The following CADM2 variants were observed in gnomAD, a reference collection of about 807,000 sequenced individuals.
CADM2 encodes cell adhesion molecule 2.
Under a neutral mutation model 49.8 loss-of-function variants are expected in CADM2, and 12 were observed. The observed-to-expected ratio is 0.24, with a 90% confidence interval of 0.15 to 0.39. The LOEUF (loss-of-function observed/expected upper bound fraction) is 0.39. Among genes scored for constraint, CADM2 ranks in the 10% least tolerant of loss-of-function variants. The pLI, the probability that CADM2 is intolerant of heterozygous loss-of-function variation, is 1.00. For missense variants in CADM2, 378 were observed against 492.3 expected (o/e 0.77, Z 2.20); for synonymous variants, 214 against 175.4 (o/e 1.22, Z -1.74).
intron 1 of CADM2, among the ~76,000 whole-genome samples, chr3:85,325,883 A>G (rs2044738319): frequency 6.6e-6 from 1 of 152,208 alleles, no homozygotes; most frequent in African/African-American, 2.4e-5. Flanking sequence ...ATTCTTATAT[A>G]AAAGAAACAG....
rs1164712402 is a variant in CADM2 at position 86,069,127 on chromosome 3, A to T, written c.*2344A>T. On this transcript the variant is annotated 3_prime_UTR_variant, in exon 10 of 10. Coordinates refer to ENST00000383699, the MANE Select transcript of CADM2 (RefSeq NM_001167675.2). Reference sequence around the variant, plus strand: ...CTTACAAAATTGCTACTCTTCATCGATGCCGTATTTACATCCCTCTTCATT... The same window carrying T: ...CTTACAAAATTGCTACTCTTCATCGTTGCCGTATTTACATCCCTCTTCATT... 1 of 152,004 alleles carries T rather than the reference A, an allele frequency of 6.6e-6. No individual in the cohort carries two copies. Among genetic ancestry groups the T allele is most frequent in the Non-Finnish European group, 1.5e-5 (1 of 67,870 alleles). 9.4% of individuals were successfully genotyped at this position (152,004 alleles called of 1,614,324 possible).
chr3:85,154,647 C>T (rs1430616581), intron 1 of CADM2, among the ~76,000 whole-genome samples: 1 of 150,662 alleles, frequency 6.6e-6, no homozygotes, highest in African/African-American at 2.5e-5. Flanking sequence ...TCAGATTCAC[C>T]GAAGTTGAAA....
At chr3:85,158,905 A>G (rs968222501) in intron 1 of CADM2, among the ~76,000 whole-genome samples, 4 of 152,132 alleles carry the variant, frequency 2.6e-5, no homozygotes, top group African/African-American at 9.7e-5. Flanking sequence ...CATTTATTTT[A>G]GTGATTTATT....
At chr3:85,672,018 TATA>T (rs1178854221) in intron 1 of CADM2, among the ~76,000 whole-genome samples, 1 of 152,182 alleles carries the variant, frequency 6.6e-6, no homozygotes, top group African/African-American at 2.4e-5. Context: ...AAGGTCCTAC[TATA>T]GTATCTGTCA....
chr3:85,774,992 A>G (rs2070288447), intron 2 of CADM2, among the ~76,000 whole-genome samples: 1 of 151,804 alleles, frequency 6.6e-6, no homozygotes, highest in South Asian at 2.1e-4. Flanking sequence ...ATAGATATAT[A>G]TGTGTACTTA....
chr3:85,565,409 T>C (rs909235566), intron 1 of CADM2, among the ~76,000 whole-genome samples: 4 of 152,044 alleles, frequency 2.6e-5, no homozygotes, highest in Non-Finnish European at 2.9e-5. Flanking sequence ...CAGTGTGACA[T>C]TTGCTATTAG....
chr3:85,350,615 T>C (rs2031245736), intron 1 of CADM2, among the ~76,000 whole-genome samples: 1 of 152,202 alleles, frequency 6.6e-6, no homozygotes, highest in African/African-American at 2.4e-5. Flanking sequence ...AATACTGTGA[T>C]CTTTCATAGA....
intron 1 of CADM2, among the ~76,000 whole-genome samples, chr3:85,534,693 G>A (rs1576742941): frequency 6.6e-6 from 1 of 152,278 alleles, no homozygotes; most frequent in Non-Finnish European, 1.5e-5. Context: ...ATTGTCTAAA[G>A]TGCATTTTTA....
intron 1 of CADM2, among the ~76,000 whole-genome samples, chr3:85,720,893 A>G (rs775764861): frequency 1.8e-4 from 28 of 152,310 alleles, no homozygotes; most frequent in Non-Finnish European, 3.2e-4. Flanking sequence ...ATGTAGTAGA[A>G]TTTCCCCTTT....
At position 85,039,831 on chromosome 3, in the gene CADM2, C is replaced by T. The variant is rs7638859; in HGVS notation, c.61+80163C>T. ...GAGCTCCTATTACTTGCTACTACTCCTCTTAACTGCGTAGCAATAACAGTG... is the reference window on the plus strand; with the variant it reads ...GAGCTCCTATTACTTGCTACTACTCTTCTTAACTGCGTAGCAATAACAGTG... On this transcript the variant is annotated intron_variant, in intron 1 of 9. Transcript: ENST00000383699. Among the ~76,000 whole-genome samples, 692 of 152,284 alleles carry T rather than the reference C, an allele frequency of 4.5e-3. 4 individuals carry two copies. The highest frequency in any genetic ancestry group is 0.016 in the African/African-American group (666 of 41,558).
chr3:85,045,384 G>A (rs531990721), intron 1 of CADM2, among the ~76,000 whole-genome samples: 1 of 152,118 alleles, frequency 6.6e-6, no homozygotes, highest in South Asian at 2.1e-4. Flanking sequence ...CCAGTTTTTG[G>A]TCTAGCTCAT....
intron 1 of CADM2, among the ~76,000 whole-genome samples, chr3:85,674,769 T>A: frequency 6.6e-6 from 1 of 152,278 alleles, no homozygotes; most frequent in East Asian, 1.9e-4. Context: ...GATCATAAAA[T>A]CTTTCTTACC....
At chr3:84,970,751 A>C (rs1240175200) in intron 1 of CADM2, among the ~76,000 whole-genome samples, 2 of 152,072 alleles carry the variant, frequency 1.3e-5, no homozygotes, top group African/African-American at 4.8e-5. Context: ...TTCTATTAGC[A>C]CCTAGTCTTG....
At chr3:85,552,667 A>T (rs1326425024) in intron 1 of CADM2, among the ~76,000 whole-genome samples, 1 of 140,226 alleles carries the variant, frequency 7.1e-6, no homozygotes, top group East Asian at 2.1e-4. Context: ...GGTGTGAGCC[A>T]ATGCGCCCGG....
chr3:85,543,429 T>TGTGTGTGTGG, intron 1 of CADM2, among the ~76,000 whole-genome samples: 1 of 56,832 alleles, frequency 1.8e-5, no homozygotes, highest in South Asian at 5.3e-4. Context: ...AATGTGTGTG[T>TGTGTGTGTGG]GTGTGTGTGT....
At chr3:85,440,642 T>TG (rs1381806176) in intron 1 of CADM2, among the ~76,000 whole-genome samples, 1 of 152,144 alleles carries the variant, frequency 6.6e-6, no homozygotes, top group Non-Finnish European at 1.5e-5. Flanking sequence ...GGTTTGCTTA[T>TG]GGGGGAAAAG....
At position 86,063,683 on chromosome 3, in the gene CADM2, CT is replaced by C. The variant is rs367869466; in HGVS notation, c.971-1919del. 5.3e-4 allele frequency among the ~76,000 whole-genome samples: 81 copies of C among 152,286 alleles called. No homozygotes were observed. In the East Asian group the frequency reaches 0.011, roughly 21 times the overall value. On this transcript the variant is annotated intron_variant, in intron 8 of 9. Transcript: ENST00000383699. ...TTTTTTTCTATCTAGACATATGATC[CT>C]TTGACACAGCAGTTACATTAAAAAT...
intron 1 of CADM2, among the ~76,000 whole-genome samples, chr3:85,721,511 G>T (rs1326961728): frequency 6.6e-6 from 1 of 152,086 alleles, no homozygotes; most frequent in Non-Finnish European, 1.5e-5. Flanking sequence ...AATGGTGAGG[G>T]GTGTATGTGT....
At chr3:85,748,673 C>A (rs1412769090) in intron 2 of CADM2, among the ~76,000 whole-genome samples, 1 of 152,086 alleles carries the variant, frequency 6.6e-6, no homozygotes, top group Non-Finnish European at 1.5e-5. Context: ...ATCCTAATCC[C>A]ATTTAGGGGG....
Sources: allele counts gnomAD v4.1 joint callset (sites outside exome capture counted in the v4.1 genomes callset), GRCh38; gene constraint gnomAD v4.1.1; transcripts MANE v1.5; gene names NCBI Gene and HGNC (gene_info 2026-07-23, HGNC 2026-07-21).